The following EPHA8 variants were observed in gnomAD, a reference collection of about 807,000 sequenced individuals.
EPHA8 encodes ephrin type-A receptor 8.
In EPHA8, 58 loss-of-function variants were observed where a neutral mutation model predicts 103.6. The ratio of observed to expected loss-of-function variants is 0.56; its 90% CI spans 0.45 to 0.70. The LOEUF (loss-of-function observed/expected upper bound fraction) is 0.70, where lower values mean the gene tolerates loss of function less well. Among genes scored for constraint, EPHA8 ranks in the 30% least tolerant of loss-of-function variants. The probability of loss-of-function intolerance (pLI) is 0.00; values close to 1 mark genes in which losing one functional copy is unlikely to be tolerated. For synonymous variants in EPHA8, 559 were observed against 572.5 expected, an observed-to-expected ratio of 0.98 and a Z score of 0.34; for missense variants, 1,304 against 1,395.2, an observed-to-expected ratio of 0.93 and a Z score of 1.04.
Position 22,567,354 on chromosome 1 carries a change from C to T in EPHA8, c.95-1935C>T, listed in dbSNP as rs1395182033. Among the ~76,000 whole-genome samples, 4 of 152,172 alleles carry T rather than the reference C, an allele frequency of 2.6e-5. No homozygotes were observed. The highest frequency in any genetic ancestry group is 9.7e-5 in the African/African-American group (4 of 41,436). On this transcript the variant is annotated intron_variant, in intron 1 of 16. Coordinates refer to ENST00000166244, the MANE Select transcript of EPHA8 (RefSeq NM_020526.5). The surrounding 1 kb of genome is among the most constrained non-coding windows in gnomAD (Gnocchi z 4.2). ...GCGGCCCCCTCCCCCTCCCACCAGCCAGCAGGAGGAGAGAGCTTGCCTGAC... is the reference window on the plus strand; with the variant it reads ...GCGGCCCCCTCCCCCTCCCACCAGCTAGCAGGAGGAGAGAGCTTGCCTGAC...
At chr1:22,590,445 G>A (rs1402051508) in intron 5 of EPHA8, among the ~76,000 whole-genome samples, 1 of 152,074 alleles carries the variant, frequency 6.6e-6, no homozygotes, top group Non-Finnish European at 1.5e-5. Context: ...TCTCCTCTGC[G>A]GGACTTCTCC....
At position 22,601,019 on chromosome 1, in the gene EPHA8, A is replaced by G; in HGVS notation, c.2660A>G (p.Gln887Arg). 1 of 1,612,906 alleles carries G rather than the reference A, an allele frequency of 6.2e-7. No individual in the cohort carries two copies. The highest frequency in any genetic ancestry group is 8.5e-7 in the Non-Finnish European group (1 of 1,179,896). The change falls in exon 15 of 17, where the codon CAG (glutamine) becomes CGG (arginine). Residue 887 changes from glutamine to arginine, a missense_variant. Physicochemically the swap from Gln to Arg is conservative, Grantham distance 43. Transcript: ENST00000166244. Reference protein sequence around the residue: ...KDRAQRPRFSQIVSVLDALIR... With the variant: ...KDRAQRPRFSRIVSVLDALIR... ...CGGGCGCAGCGGCCTCGCTTCTCCC[A>G]GATTGTCAGTGTCCTCGATGCGCTC...
In EPHA8 at chr1:22,595,401, C is replaced by A; in HGVS notation, c.1697+78C>A. On this transcript the variant is annotated intron_variant, in intron 8 of 16. Coordinates refer to ENST00000166244, the MANE Select transcript of EPHA8 (RefSeq NM_020526.5). The stretch of plus-strand genomic sequence containing the variant: ...CCTGCCTGCCCCCAGCCCCACCGAG[C>A]CGGTGGTCCCCGTGTGCCTGGGGCT... 9.1e-6 allele frequency: 11 copies of A among 1,211,580 alleles called. No individual in the cohort carries two copies. The South Asian group carries it at 1.1e-4, about 12-fold the overall frequency. 75.1% of individuals were successfully genotyped at this position (1,211,580 alleles called of 1,614,324 possible). A position where few individuals can be genotyped will look rare whatever the true frequency, so the allele number is the denominator to read the frequency against.
At chr1:22,585,052 C>CGCGTGCGT (rs147149954) in intron 3 of EPHA8, among the ~76,000 whole-genome samples, 3,405 of 144,438 alleles carry the variant, frequency 0.024, 134 homozygotes, top group African/African-American at 0.088. Flanking sequence ...TGTGTGTGTG[C>CGCGTGCGT]GCACGCGTGT....
Position 22,598,889 on chromosome 1 carries a change from G to A in EPHA8, c.2230G>A (p.Val744Met), listed in dbSNP as rs1175240210. Residue 744 changes from valine (V) to methionine (M), a missense_variant, in exon 13 of 17, where the codon GTG (valine) becomes ATG (methionine). Val to Met is a conservative substitution (Grantham distance 21, BLOSUM62 1). Coordinates refer to ENST00000166244, the MANE Select transcript of EPHA8 (RefSeq NM_020526.5). This position sits in a 1 kb window ranked among gnomAD's most constrained non-coding sequence, Gnocchi z 5.1. ...GCAGCTGGTGGGCATGCTGAGAGGA[G>A]TGGGTGCCGGCATGCGCTACCTCTC... ...IMQLVGMLRG[V>M]GAGMRYLSDL... The A allele has an allele frequency of 6.2e-7, 1 of 1,613,182 alleles. No homozygotes were observed. Among genetic ancestry groups the A allele is most frequent in the Non-Finnish European group, 8.5e-7 (1 of 1,180,002 alleles).
rs566592956 is a variant in EPHA8, at chr1:22,577,085, G to A, written c.823+205G>A. 3.9e-5 allele frequency among the ~76,000 whole-genome samples: 6 copies of A among 152,322 alleles called. 1 individual carries two copies. Among genetic ancestry groups the A allele is most frequent in the African/African-American group, 1.4e-4 (6 of 41,588 alleles). On this transcript the variant is annotated intron_variant, in intron 3 of 16. Coordinates refer to ENST00000166244, the MANE Select transcript of EPHA8 (RefSeq NM_020526.5). ...TCCGTGTGTTGGGAAGGACGTGGGA[G>A]CAAGATGGGGGAGGGGAGAGGGAGG...
rs760793503 is a variant in EPHA8, at chr1:22,598,817, C to T, written c.2179-21C>T. 6.2e-7 allele frequency: 1 copy of T among 1,608,664 alleles called. No individual in the cohort carries two copies. The highest frequency in any genetic ancestry group is 8.5e-7 in the Non-Finnish European group (1 of 1,177,116). On this transcript the variant is annotated intron_variant, in intron 12 of 16. Coordinates refer to ENST00000166244, the MANE Select transcript of EPHA8 (RefSeq NM_020526.5). The surrounding 1 kb of genome is among the most constrained non-coding windows in gnomAD (Gnocchi z 5.1). ...GCGCCTCGCCGGGCTTTCCTGAAGT[C>T]CAAGCCATGTCCCCCTGCAGACCCA...
At chr1:22,591,873 C>T (rs958721319) in intron 5 of EPHA8, among the ~76,000 whole-genome samples, 3 of 152,172 alleles carry the variant, frequency 2.0e-5, no homozygotes, top group Non-Finnish European at 2.9e-5. Context: ...AGTGCCCTTC[C>T]GGGCCCTGCA....
chr1:22,576,736 G>A lies in EPHA8; in HGVS notation c.679G>A (p.Val227Met), dbSNP rs544874360. The change falls in exon 3 of 17, where the codon GTG becomes ATG. Residue 227 changes from valine to methionine, a missense_variant. Coordinates refer to ENST00000166244, the MANE Select transcript of EPHA8 (RefSeq NM_020526.5). This position sits in a 1 kb window ranked among gnomAD's most constrained non-coding sequence, Gnocchi z 4.8. ...GACGGGGGCCGACTCGTCCTCACTG[G>A]TGGAGGTGAGGGGCCAGTGCGTGCG... ...AVTGADSSSL[V>M]EVRGQCVRHS... is the part of the protein sequence containing the mutation. 1 of 1,613,824 alleles carries A rather than the reference G, an allele frequency of 6.2e-7. No homozygotes were observed. The highest frequency in any genetic ancestry group is 8.5e-7 in the Non-Finnish European group (1 of 1,180,050).
In EPHA8 at chr1:22,596,172, G is replaced by T; in HGVS notation, c.1764G>T (p.Gln588His). ...AGAAGATGCACTATCAGAATGGACA[G>T]GGTGAGTGCAGGGGCCCGGTGGTCT... ...DEEKMHYQNG[Q>H]APPPVFLPLH... The change falls in exon 9 of 17, where the codon CAG becomes CAT. Residue 588 changes from glutamine (Q) to histidine (H), a missense_variant and splice_region_variant. By Grantham distance (24) the Gln-to-His change is conservative. Coordinates refer to ENST00000166244, the MANE Select transcript of EPHA8 (RefSeq NM_020526.5). 1 of 1,613,908 alleles carries T rather than the reference G, an allele frequency of 6.2e-7. No individual in the cohort carries two copies. The highest frequency in any genetic ancestry group is 8.5e-7 in the Non-Finnish European group (1 of 1,179,918).
At chr1:22,566,616 C>T (rs1470102520) in intron 1 of EPHA8, among the ~76,000 whole-genome samples, 1 of 152,152 alleles carries the variant, frequency 6.6e-6, no homozygotes, top group African/African-American at 2.4e-5. Flanking sequence ...CCATGGAGTC[C>T]GATCCCCGTG....
chr1:22,586,456 G>T lies in EPHA8; in HGVS notation c.824-24G>T, dbSNP rs773901645. The T allele has an allele frequency of 1.9e-6, 3 of 1,610,332 alleles. No homozygotes were observed. In the Admixed American group the frequency reaches 5.0e-5, roughly 27 times the overall value. ...AGCCAGGGTGGCCCTGCTGGCTCAT[G>T]TGCAGCCGCCTTCTCCTCCACAGCC... On this transcript the variant is annotated intron_variant, in intron 3 of 16. Coordinates refer to ENST00000166244, the MANE Select transcript of EPHA8 (RefSeq NM_020526.5).
intron 7 of EPHA8, among the ~76,000 whole-genome samples, chr1:22,594,395 A>AC (rs1641461197): frequency 6.6e-6 from 1 of 152,234 alleles, no homozygotes; most frequent in Non-Finnish European, 1.5e-5. Flanking sequence ...AGGGTCTGGG[A>AC]CCAGCAGCAT....
At position 22,588,835 on chromosome 1, in the gene EPHA8, A is replaced by G. The variant is rs763267850; in HGVS notation, c.980-36A>G. ...TAGGAAGACAGGACAGCCCAAATAA[A>G]TAACCACTGCCCCATCTGTCATCCT... is the stretch of plus-strand genomic sequence containing the variant. On this transcript the variant is annotated intron_variant, in intron 4 of 16. Transcript: ENST00000166244. 1.3e-5 allele frequency: 20 copies of G among 1,538,654 alleles called. 1 individual carries two copies. The South Asian group carries it at 2.5e-4, about 19-fold the overall frequency.
Position 22,567,924 on chromosome 1 carries a change from C to T in EPHA8, c.95-1365C>T, listed in dbSNP as rs1198899218. Among the ~76,000 whole-genome samples, 1 of 152,164 alleles carries T rather than the reference C, an allele frequency of 6.6e-6. No individual in the cohort carries two copies. Among genetic ancestry groups the T allele is most frequent in the African/African-American group, 2.4e-5 (1 of 41,432 alleles). ...CTCTGGAGCCAAAAGCCCTCTCATACAGCAATCACCAGCTAGATCAAAAGG... is the reference window on the plus strand; with the variant it reads ...CTCTGGAGCCAAAAGCCCTCTCATATAGCAATCACCAGCTAGATCAAAAGG... On this transcript the variant is annotated intron_variant, in intron 1 of 16. Coordinates refer to ENST00000166244, the MANE Select transcript of EPHA8 (RefSeq NM_020526.5). This position sits in a 1 kb window ranked among gnomAD's most constrained non-coding sequence, Gnocchi z 4.2.
intron 5 of EPHA8, among the ~76,000 whole-genome samples, chr1:22,592,384 G>C (rs181263277): frequency 2.0e-5 from 3 of 152,134 alleles, no homozygotes; most frequent in Non-Finnish European, 2.9e-5. Flanking sequence ...CCTGGTGTCC[G>C]CAGACAGCAA....
intron 2 of EPHA8, among the ~76,000 whole-genome samples, chr1:22,575,549 C>A (rs1640665310): frequency 6.6e-6 from 1 of 152,184 alleles, no homozygotes; most frequent in South Asian, 2.1e-4. Context: ...GTTACCTTTT[C>A]ACTCTGTTGA....
rs1390787117 is a variant in EPHA8 at position 22,600,717 on chromosome 1, C to A, written c.2445C>A (p.Phe815Leu). The A allele has an allele frequency of 1.9e-6, 3 of 1,613,538 alleles. No homozygotes were observed. The highest frequency in any genetic ancestry group is 2.5e-6 in the Non-Finnish European group (3 of 1,179,854). ...CAGAGGCCATCGCCTTCCGCACCTT[C>A]TCCTCGGCCAGCGACGTGTGGAGCT... is the stretch of plus-strand genomic sequence containing the variant. ...TAPEAIAFRTFSSASDVWSFG... is the reference protein window; with the variant it reads ...TAPEAIAFRTLSSASDVWSFG... Residue 815 changes from phenylalanine (F) to leucine (L), a missense_variant, in exon 14 of 17, where the codon TTC becomes TTA. Physicochemically the swap from Phe to Leu is conservative, Grantham distance 22. Coordinates refer to ENST00000166244, the MANE Select transcript of EPHA8 (RefSeq NM_020526.5).
At chr1:22,583,839 T>C (rs1009141385) in intron 3 of EPHA8, among the ~76,000 whole-genome samples, 1 of 152,138 alleles carries the variant, frequency 6.6e-6, no homozygotes, top group African/African-American at 2.4e-5. Context: ...AGGTGGGCCC[T>C]GGAAAGGGTC....
Sources: gnomAD v4.1 joint callset for allele counts (sites outside exome capture counted in the v4.1 genomes callset) on GRCh38, gnomAD v4.1.1 for gene constraint, Gnocchi (gnomAD v3.1) non-coding constraint, MANE v1.5 for transcripts, NCBI Gene and HGNC (gene_info 2026-07-23, HGNC 2026-07-21) for gene names.